Variants in SCN8A observed in about 807,000 individuals in gnomAD.
SCN8A encodes sodium voltage-gated channel alpha subunit 8.
Under a neutral mutation model 184.1 loss-of-function variants are expected in SCN8A, and 30 were observed. The ratio of observed to expected loss-of-function variants is 0.16; its 90% CI spans 0.12 to 0.22. SCN8A has a LOEUF of 0.22. Among genes scored for constraint, SCN8A ranks in the 10% least tolerant of loss-of-function variants. SCN8A has a pLI of 1.00. For synonymous variants in SCN8A, 852 were observed against 907.0 expected (o/e 0.94, Z 1.09); for missense variants, 1,057 against 2,498.9 (o/e 0.42, Z 12.30).
intron 1 of SCN8A, among the ~76,000 whole-genome samples, chr12:51,623,705 C>A (rs1940013712): frequency 6.6e-6 from 1 of 152,096 alleles, no homozygotes; most frequent in Non-Finnish European, 1.5e-5. Flanking sequence ...TGTTGGTGTG[C>A]TGCACCCATT....
At chr12:51,801,935 A>G (rs1565932066) in intron 26 of SCN8A, among the ~76,000 whole-genome samples, 2 of 151,948 alleles carry the variant, frequency 1.3e-5, no homozygotes, top group Admixed American at 6.6e-5. Context: ...TGCACCTGTA[A>G]CCCCAGCTAC....
chr12:51,656,559 A>G (rs1383820036), intron 1 of SCN8A, among the ~76,000 whole-genome samples: 1 of 152,222 alleles, frequency 6.6e-6, no homozygotes, highest in Non-Finnish European at 1.5e-5. Flanking sequence ...AATGGAGAAT[A>G]CACAAAGAAC....
intron 1 of SCN8A, among the ~76,000 whole-genome samples, chr12:51,599,667 C>G (rs894106485): frequency 6.6e-6 from 1 of 152,102 alleles, no homozygotes; most frequent in African/African-American, 2.4e-5. Context: ...GCAGCAGTGT[C>G]TAATTGGATG....
At chr12:51,603,354 C>T (rs987501241) in intron 1 of SCN8A, among the ~76,000 whole-genome samples, 1 of 152,082 alleles carries the variant, frequency 6.6e-6, no homozygotes, top group African/African-American at 2.4e-5. Context: ...TTCAATTGTT[C>T]TTTTTTATTG....
chr12:51,706,745 C>A, intron 11 of SCN8A, 30 bp downstream of exon 11: 4 of 1,433,310 alleles, frequency 2.8e-6, no homozygotes, highest in Non-Finnish European at 3.7e-6. Flanking sequence ...ATACCTTTTT[C>A]AAAAATGTAT....
chr12:51,706,290 C>T lies in SCN8A; in HGVS notation c.1342-132C>T, dbSNP rs1031370444. On this transcript the variant is annotated intron_variant, in intron 10 of 26. Coordinates refer to ENST00000627620, the MANE Select transcript of SCN8A (RefSeq NM_001330260.2). ...GCCAGAATACACAGAAACCCTCTAA[C>T]AGTCTAGGTTTCCTGCCTCCTTTTT... 45 of 790,036 alleles carry T rather than the reference C, an allele frequency of 5.7e-5. No homozygotes were observed. The African/African-American group carries it at 6.8e-4, about 12-fold the overall frequency. 48.9% of individuals were successfully genotyped at this position (790,036 alleles called of 1,614,324 possible).
At chr12:51,762,788 C>A in intron 15 of SCN8A, 112 bp downstream of exon 15, 2 of 972,484 alleles carry the variant, frequency 2.1e-6, no homozygotes, top group South Asian at 2.6e-5. Flanking sequence ...GTATTTTACT[C>A]CCAATTCCAG....
intron 6 of SCN8A, among the ~76,000 whole-genome samples, chr12:51,698,069 G>A (rs746812091): frequency 1.4e-4 from 21 of 152,176 alleles, no homozygotes; most frequent in Admixed American, 5.2e-4. Context: ...GGCCAGGCTG[G>A]TCTTGAACTC....
At chr12:51,781,277 A>G (rs972101504) in intron 21 of SCN8A, among the ~76,000 whole-genome samples, 3 of 152,102 alleles carry the variant, frequency 2.0e-5, no homozygotes, top group Non-Finnish European at 2.9e-5. Context: ...AGAATTTGGC[A>G]TGGCCCTGGG....
At chr12:51,703,418 A>T (rs1941726098) in intron 9 of SCN8A, among the ~76,000 whole-genome samples, 1 of 152,182 alleles carries the variant, frequency 6.6e-6, no homozygotes, top group Non-Finnish European at 1.5e-5. Flanking sequence ...TGCTGGAATT[A>T]CAGGCGTGAG....
intron 20 of SCN8A, 24 bp downstream of exon 20, chr12:51,774,386 C>T (rs972695648): frequency 6.3e-7 from 1 of 1,576,908 alleles, no homozygotes; most frequent in African/African-American, 1.4e-5. Context: ...TTTCTGTTTC[C>T]CACCCCTTCC....
intron 1 of SCN8A, among the ~76,000 whole-genome samples, chr12:51,638,388 T>G (rs974876711): frequency 6.6e-6 from 1 of 152,184 alleles, no homozygotes; most frequent in Non-Finnish European, 1.5e-5. Context: ...CTGAACACCT[T>G]CTGGAAAAGA....
chr12:51,760,317 G>GAC (rs1942743409), intron 14 of SCN8A, among the ~76,000 whole-genome samples: 1 of 152,146 alleles, frequency 6.6e-6, no homozygotes, highest in African/African-American at 2.4e-5. Context: ...GGTGTATTTT[G>GAC]ACACACACCC....
At chr12:51,661,471 A>G (rs1383374584) in intron 1 of SCN8A, among the ~76,000 whole-genome samples, 4 of 152,206 alleles carry the variant, frequency 2.6e-5, no homozygotes, top group Non-Finnish European at 5.9e-5. Context: ...GAATCTCAGC[A>G]GGTGGATTTG....
At chr12:51,737,105 CTATT>C (rs1391865797) in intron 12 of SCN8A, among the ~76,000 whole-genome samples, 2 of 152,188 alleles carry the variant, frequency 1.3e-5, no homozygotes, top group African/African-American at 4.8e-5. Context: ...CCAAGTAAGA[CTATT>C]TATAAAAGCT....
intron 2 of SCN8A, among the ~76,000 whole-genome samples, chr12:51,666,914 C>T (rs1565879985): frequency 6.6e-6 from 1 of 152,124 alleles, no homozygotes; most frequent in Admixed American, 6.5e-5. Flanking sequence ...TTCAGCTGGT[C>T]CCTGCAAACA....
intron 1 of SCN8A, among the ~76,000 whole-genome samples, chr12:51,640,998 TTTG>T (rs1340372046): frequency 6.6e-6 from 1 of 152,202 alleles, no homozygotes; most frequent in East Asian, 1.9e-4. Flanking sequence ...AAGAGTAAGT[TTTG>T]TTAATACAAT....
At chr12:51,766,160 C>G in intron 16 of SCN8A, 133 bp downstream of exon 16, 1 of 778,316 alleles carries the variant, frequency 1.3e-6, no homozygotes, top group Non-Finnish European at 2.2e-6. Flanking sequence ...TTTCTTGGCC[C>G]AGAAACCCTA....
chr12:51,715,593 A>G (rs2138768983), intron 11 of SCN8A, among the ~76,000 whole-genome samples: 1 of 145,600 alleles, frequency 6.9e-6, no homozygotes, highest in East Asian at 2.0e-4. Flanking sequence ...GGGAGGCGGA[A>G]GTTTCAGCAA....
Sources: allele counts gnomAD v4.1 joint callset (sites outside exome capture counted in the v4.1 genomes callset), GRCh38; gene constraint gnomAD v4.1.1; transcripts MANE v1.5; gene names NCBI Gene and HGNC (gene_info 2026-07-23, HGNC 2026-07-21).